CALD1: variants seen among roughly 807,000 people sequenced by gnomAD.
The protein encoded by CALD1 is caldesmon 1.
A neutral mutation model predicts 99.9 loss-of-function variants in CALD1; 33 were observed. The observed-to-expected ratio is 0.33, with a 90% CI of 0.25 to 0.44. The LOEUF is 0.44. Ranked by LOEUF, CALD1 falls within the 20% of genes least tolerant of loss-of-function variation. The pLI, the probability that CALD1 is intolerant of heterozygous loss-of-function variation, is 1.00. For missense variants in CALD1, 861 were observed against 962.1 expected (o/e 0.89, Z 1.39); for synonymous variants, 310 against 325.0 (o/e 0.95, Z 0.50).
chr7:134,965,245 A>G (rs1808583587), intron 13 of CALD1, 61 bp from the exon 14 acceptor site: 3 of 820,966 alleles, frequency 3.7e-6, no homozygotes, highest in Non-Finnish European at 6.6e-6. Context: ...CCATTTATTT[A>G]GAGCTGGCTA....
chr7:134,890,502 A>ACC (rs1802102526), intron 3 of CALD1, among the ~76,000 whole-genome samples: 1 of 152,138 alleles, frequency 6.6e-6, no homozygotes, highest in South Asian at 2.1e-4. Context: ...AATAATCTTA[A>ACC]CTCTACATTG....
At chr7:134,789,016 G>GA (rs1797415838) in intron 1 of CALD1, among the ~76,000 whole-genome samples, 1 of 27,804 alleles carries the variant, frequency 3.6e-5, no homozygotes, top group African/African-American at 1.4e-4. Context: ...CCCTGTCTCA[G>GA]AAAAAAACAA....
intron 3 of CALD1, among the ~76,000 whole-genome samples, chr7:134,909,099 G>T (rs183837848): frequency 5.5e-4 from 84 of 152,142 alleles, no homozygotes; most frequent in African/African-American, 2.0e-3. Context: ...ATTTAATTTA[G>T]TTAATACATG....
At chr7:134,855,557 A>G (rs190691361) in intron 2 of CALD1, among the ~76,000 whole-genome samples, 15 of 152,354 alleles carry the variant, frequency 9.8e-5, no homozygotes, top group Admixed American at 9.8e-4. Context: ...ATTCTGAACA[A>G]TTCTACTTTA....
At chr7:134,741,302 A>G (rs916711215), upstream of CALD1, among the ~76,000 whole-genome samples, 4 of 152,166 alleles carry the variant, frequency 2.6e-5, no homozygotes, top group Non-Finnish European at 4.4e-5. Context: ...AAGAGGGGGA[A>G]AAGCCCCTTA....
At chr7:134,859,873 A>G (rs1483285950) in intron 2 of CALD1, among the ~76,000 whole-genome samples, 1 of 152,204 alleles carries the variant, frequency 6.6e-6, no homozygotes, top group Non-Finnish European at 1.5e-5. Flanking sequence ...TAAACTACTC[A>G]AACTGTCTGC....
rs1189151887 is a variant in CALD1 at position 134,867,705 on chromosome 7, T to C, written c.-29T>C. The C allele has an allele frequency of 6.7e-7, 1 of 1,483,814 alleles. No individual in the cohort carries two copies. The highest frequency in any genetic ancestry group is 1.8e-5 in the Admixed American group (1 of 57,140). The allele number at this position is 1,483,814 out of a possible 1,614,324, so 91.9% of individuals were successfully genotyped here. On this transcript the variant is annotated 5_prime_UTR_variant, in exon 3 of 15. Transcript: ENST00000361675. The stretch of plus-strand genomic sequence containing the variant: ...TCCTCTCTTTCAGGTCCAGACATCA[T>C]CTGGTCTCCCTGAACCTGAAATCAC...
chr7:134,897,375 A>AAT (rs994696384), intron 3 of CALD1, among the ~76,000 whole-genome samples: 10 of 147,568 alleles, frequency 6.8e-5, no homozygotes, highest in South Asian at 4.2e-4. Flanking sequence ...ACCTATATAC[A>AAT]ATATATATAT....
upstream of CALD1, chr7:134,779,461 G>C (rs1797018419): frequency 2.6e-6 from 1 of 385,734 alleles, no homozygotes; most frequent in Non-Finnish European, 4.6e-6. Flanking sequence ...CATCTCCACA[G>C]GCAGGCTGCA....
intron 1 of CALD1, among the ~76,000 whole-genome samples, chr7:134,842,302 T>G (rs1799682420): frequency 6.6e-6 from 1 of 152,240 alleles, no homozygotes; most frequent in African/African-American, 2.4e-5. Flanking sequence ...AACTTCTCAG[T>G]GCTTATCCTA....
chr7:134,763,032 C>T (rs1182205458), intron 1 of CALD1, among the ~76,000 whole-genome samples: 1 of 152,144 alleles, frequency 6.6e-6, no homozygotes, highest in African/African-American at 2.4e-5. Flanking sequence ...GACCATATCT[C>T]TATCTATCTA....
At chr7:134,764,627 A>C (rs1339912745) in intron 1 of CALD1, among the ~76,000 whole-genome samples, 1 of 152,234 alleles carries the variant, frequency 6.6e-6, no homozygotes, top group Non-Finnish European at 1.5e-5. Flanking sequence ...ACTTAAATAC[A>C]ATCAAATCAA....
intron 3 of CALD1, among the ~76,000 whole-genome samples, chr7:134,910,059 A>G (rs1367073103): frequency 2.0e-5 from 3 of 152,206 alleles, no homozygotes; most frequent in Non-Finnish European, 4.4e-5. Context: ...TACCTGGATC[A>G]AAAATATTGA....
At chr7:134,771,356 C>T (rs1465745883) in intron 1 of CALD1, among the ~76,000 whole-genome samples, 2 of 152,172 alleles carry the variant, frequency 1.3e-5, no homozygotes, top group Non-Finnish European at 1.5e-5. Context: ...TGTCCGTCCC[C>T]CTCAGGGGTG....
intron 1 of CALD1, among the ~76,000 whole-genome samples, chr7:134,770,437 G>T (rs1187075293): frequency 1.3e-5 from 2 of 152,142 alleles, no homozygotes; most frequent in Non-Finnish European, 2.9e-5. Context: ...TTTTTCTGGG[G>T]CCCTGAGGGA....
chr7:134,911,323 C>G (rs1764946651), intron 3 of CALD1, among the ~76,000 whole-genome samples: 1 of 150,948 alleles, frequency 6.6e-6, no homozygotes. Flanking sequence ...TGGTTCATAT[C>G]CATGAGCCAG....
chr7:134,881,329 C>T (rs542419390), intron 3 of CALD1, among the ~76,000 whole-genome samples: 57 of 152,208 alleles, frequency 3.7e-4, no homozygotes, highest in Non-Finnish European at 6.8e-4. Context: ...CGTGTGAGGC[C>T]CCACTCTCAA....
chr7:134,742,016 T>TATACACACAC (rs1554420565), upstream of CALD1, among the ~76,000 whole-genome samples: 2 of 147,882 alleles, frequency 1.4e-5, no homozygotes, highest in African/African-American at 5.0e-5. Flanking sequence ...GAGGTATTGA[T>TATACACACAC]ACACACACAC....
At chr7:134,879,020 C>T (rs1301565454) in intron 3 of CALD1, among the ~76,000 whole-genome samples, 1 of 152,116 alleles carries the variant, frequency 6.6e-6, no homozygotes, top group Non-Finnish European at 1.5e-5. Context: ...TTATATTGAA[C>T]CTCTCTCTTT....
Sources: gnomAD v4.1 joint callset for allele counts (sites outside exome capture counted in the v4.1 genomes callset) on GRCh38, gnomAD v4.1.1 for gene constraint, MANE v1.5 for transcripts, NCBI Gene and HGNC (gene_info 2026-07-23, HGNC 2026-07-21) for gene names.